Variants in OSBPL8 observed in about 807,000 individuals in gnomAD.
The protein encoded by OSBPL8 is oxysterol-binding protein-related protein 8.
Under a neutral mutation model 125.5 loss-of-function variants are expected in OSBPL8, and 59 were observed. That is an observed-to-expected ratio of 0.47 (90% CI 0.38 to 0.58). The LOEUF (loss-of-function observed/expected upper bound fraction) is 0.58, where lower values mean the gene tolerates loss of function less well. OSBPL8 is among the 20% of genes least tolerant of loss of function. OSBPL8 has a pLI of 0.00. For synonymous variants in OSBPL8, 330 were observed against 338.9 expected (o/e 0.97, Z 0.29); for missense variants, 758 against 1,047.8 (o/e 0.72, Z 3.82).
chr12:76,495,162 A>G (rs1209407188), intron 1 of OSBPL8, among the ~76,000 whole-genome samples: 1 of 152,224 alleles, frequency 6.6e-6, no homozygotes, highest in Non-Finnish European at 1.5e-5. Context: ...AATTAAAATA[A>G]AAAGGTCATT....
chr12:76,484,990 A>G (rs1022659472), intron 2 of OSBPL8, among the ~76,000 whole-genome samples: 5 of 151,956 alleles, frequency 3.3e-5, no homozygotes, highest in African/African-American at 1.2e-4. Flanking sequence ...GCGCGATCTC[A>G]GCTCACTGCA....
intron 2 of OSBPL8, among the ~76,000 whole-genome samples, chr12:76,463,095 A>G (rs1373311616): frequency 2.6e-5 from 4 of 152,224 alleles, no homozygotes; most frequent in Non-Finnish European, 5.9e-5. Flanking sequence ...TCTGATTGCT[A>G]TGTTGATAAC....
chr12:76,445,048 T>A (rs374879698), intron 4 of OSBPL8, among the ~76,000 whole-genome samples: 2 of 152,200 alleles, frequency 1.3e-5, no homozygotes, highest in East Asian at 3.8e-4. Flanking sequence ...TACACACCTA[T>A]AAGAACCCTG....
At chr12:76,429,419 A>G (rs1378416625) in intron 4 of OSBPL8, among the ~76,000 whole-genome samples, 1 of 151,934 alleles carries the variant, frequency 6.6e-6, no homozygotes, top group Non-Finnish European at 1.5e-5. Flanking sequence ...GTACATGTTC[A>G]TTATATGTTG....
chr12:76,460,401 G>A (rs993986756), intron 2 of OSBPL8, among the ~76,000 whole-genome samples: 11 of 151,538 alleles, frequency 7.3e-5, no homozygotes, highest in African/African-American at 2.7e-4. Context: ...AAAAGAGTAA[G>A]GAACATTTAT....
intron 2 of OSBPL8, among the ~76,000 whole-genome samples, chr12:76,484,401 C>T (rs1212931715): frequency 6.6e-6 from 1 of 152,198 alleles, no homozygotes; most frequent in East Asian, 1.9e-4. Context: ...CAGGCTTCTC[C>T]TGACTTTTAA....
intron 1 of OSBPL8, among the ~76,000 whole-genome samples, chr12:76,553,802 C>T (rs1397778325): frequency 6.6e-6 from 1 of 151,318 alleles, no homozygotes; most frequent in Middle Eastern, 3.2e-3. Context: ...ATGGTGAAAC[C>T]CCATCTCTAC....
intron 1 of OSBPL8, among the ~76,000 whole-genome samples, chr12:76,507,641 G>A (rs1275483340): frequency 6.6e-6 from 1 of 151,422 alleles, no homozygotes; most frequent in Non-Finnish European, 1.5e-5. Context: ...CCAACATGGT[G>A]AAACCCCATC....
At chr12:76,365,819 T>TA in intron 21 of OSBPL8, among the ~76,000 whole-genome samples, 1 of 152,294 alleles carries the variant, frequency 6.6e-6, no homozygotes, top group East Asian at 1.9e-4. Flanking sequence ...GGTGATGGAT[T>TA]TTGTCAAATG....
At chr12:76,396,008 T>TAC (rs1435988882) in intron 8 of OSBPL8, among the ~76,000 whole-genome samples, 12 of 150,668 alleles carry the variant, frequency 8.0e-5, no homozygotes, top group African/African-American at 2.9e-4. Flanking sequence ...TATATATATA[T>TAC]ACATATATGT....
chr12:76,431,511 T>C (rs1870821961), intron 4 of OSBPL8, among the ~76,000 whole-genome samples: 2 of 152,140 alleles, frequency 1.3e-5, no homozygotes, highest in South Asian at 4.2e-4. Context: ...CTATATGCTG[T>C]TTACAAGAAA....
At chr12:76,430,703 C>T (rs1186708214) in intron 4 of OSBPL8, among the ~76,000 whole-genome samples, 1 of 152,102 alleles carries the variant, frequency 6.6e-6, no homozygotes, top group Non-Finnish European at 1.5e-5. Context: ...ACCTTGCAGG[C>T]CAGAAGACAG....
At chr12:76,496,370 A>AT (rs34882613) in intron 1 of OSBPL8, among the ~76,000 whole-genome samples, 25,459 of 141,918 alleles carry the variant, frequency 0.18, 2,627 homozygotes, top group Non-Finnish European at 0.25. Flanking sequence ...ATGCTGTGTA[A>AT]TTTTTTTTTT....
chr12:76,542,494 C>T (rs190537150), intron 1 of OSBPL8, among the ~76,000 whole-genome samples: 55 of 152,296 alleles, frequency 3.6e-4, no homozygotes, highest in African/African-American at 1.3e-3. Context: ...AGGGCTTGCT[C>T]CAAAACAGAT....
intron 1 of OSBPL8, among the ~76,000 whole-genome samples, chr12:76,520,400 G>A (rs530229899): frequency 1.9e-4 from 29 of 152,098 alleles, no homozygotes; most frequent in Non-Finnish European, 4.0e-4. Context: ...GGCTCCATAA[G>A]GAAAATCAGT....
intron 12 of OSBPL8, among the ~76,000 whole-genome samples, chr12:76,387,649 C>T (rs1953373706): frequency 1.3e-5 from 2 of 152,048 alleles, no homozygotes; most frequent in African/African-American, 2.4e-5. Flanking sequence ...AAGGCATTTA[C>T]GTTTCACAAG....
chr12:76,531,968 C>T (rs868081063), intron 1 of OSBPL8, among the ~76,000 whole-genome samples: 27 of 138,992 alleles, frequency 1.9e-4, no homozygotes, highest in South Asian at 7.3e-4. Context: ...ACCCAGGAGG[C>T]GGAGCTTGCA....
intron 4 of OSBPL8, among the ~76,000 whole-genome samples, chr12:76,424,937 T>G (rs550814506): frequency 6.6e-6 from 1 of 152,270 alleles, no homozygotes; most frequent in Admixed American, 6.5e-5. Flanking sequence ...GATGAACAAG[T>G]AGTCATGGTC....
At chr12:76,396,829 T>C (rs534082868) in intron 8 of OSBPL8, among the ~76,000 whole-genome samples, 1 of 152,278 alleles carries the variant, frequency 6.6e-6, no homozygotes, top group African/African-American at 2.4e-5. Context: ...TTGTTTTTTT[T>C]GAGACAGGGT....
Sources: gnomAD v4.1 joint callset for allele counts (sites outside exome capture counted in the v4.1 genomes callset) on GRCh38, gnomAD v4.1.1 for gene constraint, MANE v1.5 for transcripts, NCBI Gene and HGNC (gene_info 2026-07-23, HGNC 2026-07-21) for gene names.